ICA1: variants seen among roughly 807,000 people sequenced by gnomAD.
ICA1 encodes islet cell autoantigen 1.
A neutral mutation model predicts 71.0 loss-of-function variants in ICA1; 40 were observed. The ratio of observed to expected loss-of-function variants is 0.56; its 90% CI spans 0.44 to 0.73. The LOEUF (loss-of-function observed/expected upper bound fraction) is 0.73, where lower values mean the gene tolerates loss of function less well. Among genes scored for constraint, ICA1 ranks in the 30% least tolerant of loss-of-function variants. The pLI is 0.00. For missense variants in ICA1, 578 were observed against 576.5 expected, an observed-to-expected ratio of 1.00 and a Z score of -0.03; for synonymous variants, 207 against 209.5, an observed-to-expected ratio of 0.99 and a Z score of 0.10.
At chr7:8,189,878 G>A (rs141305246) in intron 6 of ICA1, among the ~76,000 whole-genome samples, 2 of 152,320 alleles carry the variant, frequency 1.3e-5, no homozygotes, top group East Asian at 3.9e-4. Flanking sequence ...TTGTAAGTTG[G>A]GAACTGTCTG....
At chr7:8,125,115 T>C (rs1037426652) in intron 13 of ICA1, among the ~76,000 whole-genome samples, 5 of 152,186 alleles carry the variant, frequency 3.3e-5, no homozygotes, top group Admixed American at 2.0e-4. Flanking sequence ...CTGACCTTGA[T>C]AGAATCCCAG....
At chr7:8,146,219 T>A (rs1368493868) in intron 8 of ICA1, among the ~76,000 whole-genome samples, 1 of 152,198 alleles carries the variant, frequency 6.6e-6, no homozygotes, top group Non-Finnish European at 1.5e-5. Context: ...AGAAAGTGAT[T>A]GGGTCATTAC....
At chr7:8,166,735 C>T (rs1490763953) in intron 6 of ICA1, among the ~76,000 whole-genome samples, 1 of 152,084 alleles carries the variant, frequency 6.6e-6, no homozygotes, top group African/African-American at 2.4e-5. Context: ...TATTTGCAAA[C>T]TATGTATCTG....
intron 4 of ICA1, among the ~76,000 whole-genome samples, chr7:8,225,212 T>C (rs1308065303): frequency 1.3e-5 from 2 of 152,232 alleles, no homozygotes; most frequent in South Asian, 2.1e-4. Context: ...GGTGATTTTG[T>C]AGTTCCCTCA....
intron 7 of ICA1, chr7:8,157,427 G>A (rs1802033295): frequency 5.8e-6 from 3 of 519,168 alleles, no homozygotes; most frequent in African/African-American, 2.0e-5. Flanking sequence ...CAGAACTCAT[G>A]CTGCTCCCAC....
At chr7:8,205,102 G>A (rs959112443) in intron 6 of ICA1, among the ~76,000 whole-genome samples, 1 of 151,288 alleles carries the variant, frequency 6.6e-6, no homozygotes, top group African/African-American at 2.4e-5. Context: ...AAAGGCGGGG[G>A]GGTGGGCTAA....
intron 6 of ICA1, among the ~76,000 whole-genome samples, chr7:8,192,586 A>T (rs533891480): frequency 1.3e-5 from 2 of 152,348 alleles, no homozygotes; most frequent in African/African-American, 4.8e-5. Context: ...AGACAACGTA[A>T]AGATCCTATA....
chr7:8,228,052 A>T (rs1344511186), intron 4 of ICA1, among the ~76,000 whole-genome samples: 3 of 152,226 alleles, frequency 2.0e-5, no homozygotes, highest in Non-Finnish European at 4.4e-5. Flanking sequence ...TACAAATGGA[A>T]ACTTAAAAAT....
At chr7:8,241,091 G>A (rs903390494) in intron 1 of ICA1, among the ~76,000 whole-genome samples, 7 of 152,058 alleles carry the variant, frequency 4.6e-5, no homozygotes, top group Non-Finnish European at 8.8e-5. Flanking sequence ...CTTGAGAAGA[G>A]CAACCCCAAG....
chr7:8,149,189 C>G (rs1798008934), intron 8 of ICA1, among the ~76,000 whole-genome samples: 1 of 152,208 alleles, frequency 6.6e-6, no homozygotes, highest in African/African-American at 2.4e-5. Context: ...ATGGGAGCCA[C>G]ATACGAATCC....
At chr7:8,176,442 C>T (rs768710593) in intron 6 of ICA1, among the ~76,000 whole-genome samples, 21 of 152,206 alleles carry the variant, frequency 1.4e-4, no homozygotes, top group Admixed American at 2.6e-4. Flanking sequence ...ACTTTGCAGA[C>T]GCCCTTATGA....
chr7:8,220,939 G>A (rs183449731), intron 5 of ICA1, among the ~76,000 whole-genome samples: 1 of 152,068 alleles, frequency 6.6e-6, no homozygotes, highest in Non-Finnish European at 1.5e-5. Context: ...TTAATCAGCT[G>A]CTGGAAGGGG....
intron 6 of ICA1, among the ~76,000 whole-genome samples, chr7:8,175,988 C>A (rs1429424913): frequency 6.6e-6 from 1 of 152,208 alleles, no homozygotes; most frequent in Non-Finnish European, 1.5e-5. Flanking sequence ...GAAGTGAACA[C>A]TTATGGAGGG....
At chr7:8,248,274 T>C (rs1489362570) in intron 1 of ICA1, among the ~76,000 whole-genome samples, 2 of 151,832 alleles carry the variant, frequency 1.3e-5, no homozygotes, top group African/African-American at 4.8e-5. Context: ...GAGCATATGG[T>C]GGAATCTCTT....
intron 6 of ICA1, among the ~76,000 whole-genome samples, chr7:8,172,210 A>G (rs1240589582): frequency 2.0e-5 from 3 of 152,068 alleles, no homozygotes; most frequent in Non-Finnish European, 4.4e-5. Flanking sequence ...CTATTATTGT[A>G]GACTTGTCTA....
In ICA1 at chr7:8,132,647, G is replaced by A. The variant is rs546671180; in HGVS notation, c.1061-4505C>T. Among the ~76,000 whole-genome samples, 10 of 152,256 alleles carry A rather than the reference G, an allele frequency of 6.6e-5. No individual in the cohort carries two copies. In the South Asian group the frequency reaches 1.7e-3, roughly 25 times the overall value. ...GGAGTCCCCATGAGGCGGCTCTCTC[G>A]GATGACCTCCCATCTCCCTGACAGT... is the stretch of plus-strand genomic sequence containing the variant. On this transcript the variant is annotated intron_variant, in intron 12 of 13. Coordinates refer to ENST00000402384, the MANE Select transcript of ICA1 (RefSeq NM_001136020.3). The surrounding 1 kb of genome is among the most constrained non-coding windows in gnomAD (Gnocchi z 4.5).
intron 13 of ICA1, among the ~76,000 whole-genome samples, chr7:8,117,221 C>G (rs1266895499): frequency 6.6e-6 from 1 of 152,162 alleles, no homozygotes. Context: ...TCACTTAAAC[C>G]CCTTTCCTTT....
rs141177291 is a variant in ICA1 at position 8,161,174 on chromosome 7, G to C, written c.580-2522C>G. ...CGCTAGGAACTAGGGTGTCTATAAA[G>C]CTGTAAAGGAATGAGGTACATAACA... On this transcript the variant is annotated intron_variant, in intron 6 of 13. Coordinates refer to ENST00000402384, the MANE Select transcript of ICA1 (RefSeq NM_001136020.3). Among the ~76,000 whole-genome samples the C allele has an allele frequency of 4.6e-4, 70 of 152,306 alleles. No individual in the cohort carries two copies. The South Asian group carries it at 7.2e-3, about 16-fold the overall frequency.
chr7:8,258,868 G>T (rs1424561143), intron 1 of ICA1, among the ~76,000 whole-genome samples: 1 of 152,200 alleles, frequency 6.6e-6, no homozygotes. Context: ...TCTATCCAGG[G>T]CAAATCATGC....
Sources: gnomAD v4.1 joint callset for allele counts (sites outside exome capture counted in the v4.1 genomes callset) on GRCh38, gnomAD v4.1.1 for gene constraint, Gnocchi (gnomAD v3.1) non-coding constraint, MANE v1.5 for transcripts, NCBI Gene and HGNC (gene_info 2026-07-23, HGNC 2026-07-21) for gene names.